Variants in ANKRD27 observed in about 807,000 individuals in gnomAD.
ANKRD27 encodes the protein ankyrin repeat domain-containing protein 27.
ANKRD27 carries 112 observed loss-of-function variants against 129.7 expected under a neutral mutation model. The observed-to-expected ratio is 0.86, with a 90% CI of 0.74 to 1.01. The LOEUF (loss-of-function observed/expected upper bound fraction) is 1.01, where lower values mean the gene tolerates loss of function less well. Among genes scored for constraint, ANKRD27 ranks in the 50% least tolerant of loss-of-function variants. The pLI is 0.00. For synonymous variants in ANKRD27, 516 were observed against 511.2 expected, an observed-to-expected ratio of 1.01 and a Z score of -0.13; for missense variants, 1,258 against 1,300.5, an observed-to-expected ratio of 0.97 and a Z score of 0.50.
intron 22 of ANKRD27, among the ~76,000 whole-genome samples, chr19:32,610,973 C>A (rs1265942702): frequency 6.9e-6 from 1 of 145,948 alleles, no homozygotes; most frequent in Non-Finnish European, 1.5e-5. Flanking sequence ...AGAGTGAAAC[C>A]CCATCTCTAA....
rs187193418 is a variant in ANKRD27 at position 32,613,996 on chromosome 19, C to T, written c.2175+1662G>A. Among the ~76,000 whole-genome samples, 400 of 152,260 alleles carry T rather than the reference C, an allele frequency of 2.6e-3. 2 individuals are homozygous for T. Among genetic ancestry groups the T allele is most frequent in the South Asian group, 5.2e-3 (25 of 4,826 alleles). ...GTGCTGGGATTACAGGCATAAGCCA[C>T]TTATGTAACGTTTTTGAAGTGACAG... On this transcript the variant is annotated intron_variant, in intron 22 of 28. Coordinates refer to ENST00000306065, the MANE Select transcript of ANKRD27 (RefSeq NM_032139.3).
chr19:32,651,780 C>G (rs1378104565), intron 2 of ANKRD27, among the ~76,000 whole-genome samples: 2 of 152,194 alleles, frequency 1.3e-5, no homozygotes, highest in East Asian at 3.9e-4. Context: ...TAATGCACGT[C>G]TGGCCCCATT....
chr19:32,649,181 C>T (rs1185591555), intron 3 of ANKRD27, among the ~76,000 whole-genome samples: 1 of 151,962 alleles, frequency 6.6e-6, no homozygotes, highest in Non-Finnish European at 1.5e-5. Flanking sequence ...TTATGTTTTC[C>T]AGGCTGGTCT....
At chr19:32,617,368 A>G (rs775466159) in intron 21 of ANKRD27, among the ~76,000 whole-genome samples, 2 of 152,104 alleles carry the variant, frequency 1.3e-5, no homozygotes, top group African/African-American at 2.4e-5. Context: ...ATATAGCAAG[A>G]CCTTATCTCT....
intron 1 of ANKRD27, chr19:32,673,511 G>A (rs2145334099): frequency 2.1e-6 from 2 of 932,592 alleles, no homozygotes; most frequent in Non-Finnish European, 2.6e-6. Context: ...CTCAGGACCT[G>A]GCACATCTGG....
intron 3 of ANKRD27, among the ~76,000 whole-genome samples, chr19:32,649,210 T>G (rs1303169198): frequency 1.3e-5 from 2 of 152,110 alleles, no homozygotes; most frequent in African/African-American, 2.4e-5. Context: ...TGGCCTCAAG[T>G]GATTCTCCTG....
At chr19:32,635,424 A>G (rs943646333) in intron 12 of ANKRD27, among the ~76,000 whole-genome samples, 1 of 152,170 alleles carries the variant, frequency 6.6e-6, no homozygotes, top group African/African-American at 2.4e-5. Flanking sequence ...ATCTGCACAC[A>G]CGCATAGGTA....
chr19:32,646,407 A>T, intron 4 of ANKRD27, 52 bp downstream of exon 4: 1 of 1,561,410 alleles, frequency 6.4e-7, no homozygotes, highest in Non-Finnish European at 8.7e-7. Context: ...GAACAAGTTC[A>T]ACAAACACAT....
chr19:32,628,781 G>A lies in ANKRD27; in HGVS notation c.1278C>T (p.Thr426=), dbSNP rs34938777. ...AGAGAGGGTGACACATCTTTTGGACGGTATCTTTATCATGGTCCTCTTGGC... is the reference window on the plus strand; with the variant it reads ...AGAGAGGGTGACACATCTTTTGGACAGTATCTTTATCATGGTCCTCTTGGC... ...LLSQEDHDKD[T]VQKMCHPLCF... The change falls in exon 14 of 29, where the codon ACC becomes ACT. Residue 426 remains threonine, a synonymous_variant. Transcript: ENST00000306065. The A allele has an allele frequency of 1.7e-5, 27 of 1,613,954 alleles. No homozygotes were observed. The highest frequency in any genetic ancestry group is 1.6e-4 in the Middle Eastern group (1 of 6,084).
At chr19:32,635,466 T>TTTTA (rs905689955) in intron 12 of ANKRD27, among the ~76,000 whole-genome samples, 2 of 152,094 alleles carry the variant, frequency 1.3e-5, no homozygotes, top group African/African-American at 2.4e-5. Flanking sequence ...ACGCATTCTT[T>TTTTA]TTTATTTATT....
In ANKRD27 at chr19:32,615,403, A is replaced by G. The variant is rs1434334817; in HGVS notation, c.2175+255T>C. On this transcript the variant is annotated intron_variant, in intron 22 of 28. Coordinates refer to ENST00000306065, the MANE Select transcript of ANKRD27 (RefSeq NM_032139.3). ...AGGCCGAGACCAGTCTGGGCAACAC[A>G]GAAAGGCTGAGTCTCTACAAAAAGA... is the stretch of plus-strand genomic sequence containing the variant. 2.0e-5 allele frequency among the ~76,000 whole-genome samples: 3 copies of G among 152,128 alleles called. No homozygotes were observed. The East Asian group carries it at 5.8e-4, about 29-fold the overall frequency.
chr19:32,673,523 C>T, intron 1 of ANKRD27: 1 of 880,860 alleles, frequency 1.1e-6, no homozygotes, highest in Non-Finnish European at 1.4e-6. Flanking sequence ...CACATCTGGC[C>T]TCTGGCCACC....
intron 2 of ANKRD27, among the ~76,000 whole-genome samples, chr19:32,657,576 T>C (rs529433052): frequency 4.0e-5 from 6 of 150,944 alleles, no homozygotes; most frequent in South Asian, 4.2e-4. Flanking sequence ...AGAGTCGAGA[T>C]TGCGCCACTG....
intron 14 of ANKRD27, 59 bp from the exon 15 acceptor site, chr19:32,628,224 C>A: frequency 6.9e-7 from 1 of 1,458,900 alleles, no homozygotes; most frequent in South Asian, 1.2e-5. Flanking sequence ...AAGCCTCTCC[C>A]TGACCAGGTA....
Position 32,597,396 on chromosome 19 carries a change from C to T in ANKRD27, c.*749G>A, listed in dbSNP as rs1051142564. The stretch of plus-strand genomic sequence containing the variant: ...CTACTCTCTAATCCAGTAACCATCC[C>T]GTCAGGTGTGAGTGTGACAGACATT... On this transcript the variant is annotated 3_prime_UTR_variant, in exon 29 of 29. Coordinates refer to ENST00000306065, the MANE Select transcript of ANKRD27 (RefSeq NM_032139.3). The T allele has an allele frequency of 6.6e-6, 1 of 152,604 alleles. No individual in the cohort carries two copies. The highest frequency in any genetic ancestry group is 2.4e-5 in the African/African-American group (1 of 41,428). The allele number at this position is 152,604 out of a possible 1,614,324, so 9.5% of individuals were successfully genotyped here. A position where few individuals can be genotyped will look rare whatever the true frequency, so the allele number is the denominator to read the frequency against.
At chr19:32,642,358 A>G (rs777376533) in intron 9 of ANKRD27, among the ~76,000 whole-genome samples, 8 of 148,234 alleles carry the variant, frequency 5.4e-5, no homozygotes, top group Non-Finnish European at 1.0e-4. Flanking sequence ...AGAGTTGTAC[A>G]AGAAAAGCTG....
chr19:32,632,924 A>C (rs1403564685), intron 12 of ANKRD27, among the ~76,000 whole-genome samples: 1 of 152,206 alleles, frequency 6.6e-6, no homozygotes, highest in Non-Finnish European at 1.5e-5. Context: ...TCCTCCCAGC[A>C]GTCCCCCAGG....
At chr19:32,610,483 TAAAAAAAAAA>T (rs35230573) in intron 22 of ANKRD27, among the ~76,000 whole-genome samples, 1 of 107,484 alleles carries the variant, frequency 9.3e-6, no homozygotes, top group Non-Finnish European at 1.8e-5. Context: ...AGACCGTCTC[TAAAAAAAAAA>T]AAAAAAAAAA....
chr19:32,626,769 G>C lies in ANKRD27; in HGVS notation c.1479C>G (p.Asp493Glu). Residue 493 changes from aspartate (D) to glutamate (E), a missense_variant, in exon 16 of 29, where the codon GAC (aspartate) becomes GAG (glutamate). Asp to Glu is a conservative substitution (Grantham distance 45). Coordinates refer to ENST00000306065, the MANE Select transcript of ANKRD27 (RefSeq NM_032139.3). ...GGTGGAGCGGAGTGGCTCCATGGTAGTCTGTGGCATTTACCATGGCGCCCT... is the reference window on the plus strand; with the variant it reads ...GGTGGAGCGGAGTGGCTCCATGGTACTCTGTGGCATTTACCATGGCGCCCT... ...VSKGAMVNAT[D>E]YHGATPLHLA... is the part of the protein sequence containing the mutation. The C allele has an allele frequency of 6.2e-7, 1 of 1,612,676 alleles. No individual in the cohort carries two copies. The highest frequency in any genetic ancestry group is 8.5e-7 in the Non-Finnish European group (1 of 1,179,456).
Sources: gnomAD v4.1 joint callset for allele counts (sites outside exome capture counted in the v4.1 genomes callset) on GRCh38, gnomAD v4.1.1 for gene constraint, MANE v1.5 for transcripts, NCBI Gene and HGNC (gene_info 2026-07-23, HGNC 2026-07-21) for gene names.